The following PTP4A1 variants were observed in gnomAD, a reference collection of about 807,000 sequenced individuals.
PTP4A1 encodes the protein protein tyrosine phosphatase 4A1, also known as protein tyrosine phosphatase type IVA 1.
PTP4A1 carries 9 observed loss-of-function variants against 20.5 expected under a neutral mutation model. The observed-to-expected ratio is 0.44, with a 90% CI of 0.26 to 0.77. PTP4A1 has a LOEUF of 0.77. PTP4A1 is among the 30% of genes least tolerant of loss of function. The pLI is 0.19. For synonymous variants in PTP4A1, 78 were observed against 67.4 expected (o/e 1.16, Z -0.77); for missense variants, 137 against 218.8 (o/e 0.63, Z 2.36).
At chr6:63,547,701 C>G (rs1166437962) in intron 2 of PTP4A1, among the ~76,000 whole-genome samples, 1 of 147,700 alleles carries the variant, frequency 6.8e-6, no homozygotes. Context: ...TCAGTAGAGA[C>G]GGGGTTTCAC....
chr6:63,517,186 T>G (rs2149468864), upstream of PTP4A1, among the ~76,000 whole-genome samples: 1 of 152,278 alleles, frequency 6.6e-6, no homozygotes, highest in South Asian at 2.1e-4. Context: ...ATGGTCTAAC[T>G]ATTCAGAAAA....
At chr6:63,559,681 G>T (rs1776850604) in intron 3 of PTP4A1, among the ~76,000 whole-genome samples, 2 of 152,010 alleles carry the variant, frequency 1.3e-5, no homozygotes, top group Admixed American at 1.3e-4. Flanking sequence ...GGAAGCAGAG[G>T]TTGCAGTGAG....
chr6:63,570,150 T>C (rs1473518654), upstream of PTP4A1, among the ~76,000 whole-genome samples: 1 of 152,090 alleles, frequency 6.6e-6, no homozygotes, highest in African/African-American at 2.4e-5. Flanking sequence ...ACTAGCCTAG[T>C]CAACATGGAG....
intron 2 of PTP4A1, among the ~76,000 whole-genome samples, chr6:63,543,662 T>C (rs995766142): frequency 1.3e-5 from 2 of 152,014 alleles, no homozygotes. Flanking sequence ...ATCCAATTGG[T>C]TCCCCAGTCA....
At chr6:63,526,835 A>G (rs1011683663) in intron 1 of PTP4A1, among the ~76,000 whole-genome samples, 3 of 129,030 alleles carry the variant, frequency 2.3e-5, no homozygotes, top group Non-Finnish European at 4.9e-5. Flanking sequence ...ATATATATAT[A>G]TTTATTTATT....
chr6:63,559,116 C>T (rs981618228), intron 3 of PTP4A1, among the ~76,000 whole-genome samples: 2 of 152,168 alleles, frequency 1.3e-5, no homozygotes, highest in African/African-American at 4.8e-5. Flanking sequence ...ATGATGTTCA[C>T]CATGTCCATT....
the PTP4A1 span, among the ~76,000 whole-genome samples, chr6:63,516,725 T>G: frequency 1.3e-5 from 2 of 152,212 alleles, no homozygotes; most frequent in African/African-American, 4.8e-5. Flanking sequence ...ATCTGAGTTT[T>G]GGGATATATG....
intron 3 of PTP4A1, among the ~76,000 whole-genome samples, chr6:63,560,358 G>A (rs938415048): frequency 1.3e-4 from 18 of 138,016 alleles, no homozygotes; most frequent in Admixed American, 2.2e-4. Flanking sequence ...AAAAAAAAAA[G>A]AAAGAAAGAA....
upstream of PTP4A1, among the ~76,000 whole-genome samples, chr6:63,568,747 T>C (rs1157153425): frequency 6.6e-6 from 1 of 152,000 alleles, no homozygotes; most frequent in African/African-American, 2.4e-5. Flanking sequence ...ATAAGAAAAT[T>C]AATTGGATAT....
chr6:63,542,067 A>C (rs1241392487), intron 2 of PTP4A1, among the ~76,000 whole-genome samples: 2 of 145,862 alleles, frequency 1.4e-5, no homozygotes, highest in East Asian at 4.3e-4. Context: ...GTGTGTATAC[A>C]TACACAATGG....
At chr6:63,572,827 G>T (rs907123201) in intron 1 of PTP4A1, 108 bp downstream of exon 1, 3 of 396,024 alleles carry the variant, frequency 7.6e-6, no homozygotes, top group Admixed American at 4.4e-5. Flanking sequence ...GGTTGCCCCG[G>T]GTTGCGGTTC....
intron 2 of PTP4A1, among the ~76,000 whole-genome samples, chr6:63,547,475 C>A (rs1052428103): frequency 2.0e-5 from 3 of 148,900 alleles, no homozygotes; most frequent in African/African-American, 7.4e-5. Flanking sequence ...CAGGCGTCTG[C>A]CACCTCGCCC....
intron 2 of PTP4A1, among the ~76,000 whole-genome samples, chr6:63,546,924 A>G (rs1776211100): frequency 6.6e-6 from 1 of 152,252 alleles, no homozygotes; most frequent in African/African-American, 2.4e-5. Flanking sequence ...ATATATAAAC[A>G]TCACACAGTA....
chr6:63,555,849 A>G (rs1776664697), intron 3 of PTP4A1, among the ~76,000 whole-genome samples: 1 of 152,014 alleles, frequency 6.6e-6, no homozygotes, highest in South Asian at 2.1e-4. Context: ...GTGTACCAGA[A>G]TACCCAGCTA....
At chr6:63,568,716 ATATT>A (rs1445293082), upstream of PTP4A1, among the ~76,000 whole-genome samples, 28 of 152,330 alleles carry the variant, frequency 1.8e-4, no homozygotes, top group Admixed American at 9.2e-4. Context: ...TGTATACTAC[ATATT>A]TATTTTTAAT....
chr6:63,553,184 A>G (rs1295498248), intron 3 of PTP4A1, among the ~76,000 whole-genome samples: 2 of 152,332 alleles, frequency 1.3e-5, no homozygotes, highest in African/African-American at 4.8e-5. Flanking sequence ...TGCCTCATCA[A>G]ATAAGTCCTC....
intron 2 of PTP4A1, among the ~76,000 whole-genome samples, chr6:63,542,469 G>T (rs776049957): frequency 7.3e-5 from 11 of 151,664 alleles, no homozygotes; most frequent in Non-Finnish European, 1.3e-4. Flanking sequence ...TACTAAATCT[G>T]ACTTAATAAT....
chr6:63,559,522 G>A (rs572130863), intron 3 of PTP4A1, among the ~76,000 whole-genome samples: 57 of 152,068 alleles, frequency 3.7e-4, no homozygotes, highest in African/African-American at 8.4e-4. Flanking sequence ...CGAGGTGGGC[G>A]GATCATGAGG....
intron 1 of PTP4A1, among the ~76,000 whole-genome samples, chr6:63,575,030 A>G (rs3800494): frequency 0.075 from 11,374 of 152,238 alleles, 471 homozygotes; most frequent in East Asian, 0.16. Flanking sequence ...TGTATGTTTT[A>G]CCAGAAAAGT....
Sources: gnomAD v4.1 joint callset for allele counts (sites outside exome capture counted in the v4.1 genomes callset) on GRCh38, gnomAD v4.1.1 for gene constraint, MANE v1.5 for transcripts, NCBI Gene and HGNC (gene_info 2026-07-23, HGNC 2026-07-21) for gene names.